SORCS1: variants seen among roughly 807,000 people sequenced by gnomAD.
SORCS1 encodes sortilin related VPS10 domain containing receptor 1.
Under a neutral mutation model 146.1 loss-of-function variants are expected in SORCS1, and 60 were observed. That is an observed-to-expected ratio of 0.41 (90% CI 0.33 to 0.51). The LOEUF (loss-of-function observed/expected upper bound fraction) is 0.51, where lower values mean the gene tolerates loss of function less well. SORCS1 is among the 20% of genes least tolerant of loss of function. The probability of loss-of-function intolerance (pLI) is 0.21; values close to 1 mark genes in which losing one functional copy is unlikely to be tolerated. For synonymous variants in SORCS1, 637 were observed against 584.0 expected (o/e 1.09, Z -1.31); for missense variants, 1,352 against 1,487.6 (o/e 0.91, Z 1.50).
At chr10:106,936,434 T>C (rs1040693928) in intron 2 of SORCS1, among the ~76,000 whole-genome samples, 7 of 152,184 alleles carry the variant, frequency 4.6e-5, no homozygotes, top group Non-Finnish European at 1.0e-4. Flanking sequence ...TTCCTAACCC[T>C]AGTGCATCTT....
chr10:106,812,192 T>G (rs1947495380), intron 3 of SORCS1, among the ~76,000 whole-genome samples: 1 of 152,048 alleles, frequency 6.6e-6, no homozygotes, highest in Admixed American at 6.5e-5. Context: ...AGTAGAGACG[T>G]GGTTTCACTG....
At chr10:106,633,931 C>T (rs1848581001) in intron 18 of SORCS1, among the ~76,000 whole-genome samples, 5 of 152,144 alleles carry the variant, frequency 3.3e-5, no homozygotes, top group Admixed American at 3.3e-4. Context: ...AAGGCTGAGG[C>T]CCTCTCATTC....
At chr10:107,015,486 G>A (rs897857589) in intron 1 of SORCS1, among the ~76,000 whole-genome samples, 25 of 152,146 alleles carry the variant, frequency 1.6e-4, no homozygotes, top group Admixed American at 1.3e-3. Flanking sequence ...TTAAGGCAGC[G>A]GGACAGTGAG....
intron 2 of SORCS1, among the ~76,000 whole-genome samples, chr10:106,940,102 A>G (rs1219288354): frequency 6.6e-6 from 1 of 152,226 alleles, no homozygotes; most frequent in Non-Finnish European, 1.5e-5. Context: ...TCACGAAAGC[A>G]TCATTACAGA....
the SORCS1 span, among the ~76,000 whole-genome samples, chr10:107,177,568 A>G: frequency 6.6e-6 from 1 of 152,232 alleles, no homozygotes; most frequent in Admixed American, 6.5e-5. Context: ...AATGTACAGT[A>G]TATTTCAAAA....
rs1465776507 is a variant in SORCS1 at position 106,709,356 on chromosome 10, C to T, written c.1025-15G>A. ...ATAATGTGAATCTGAAAAACAAAAA[C>T]AAAAACAAAAACATGGGGTTGAGGG... On this transcript the variant is annotated splice_polypyrimidine_tract_variant and intron_variant, in intron 6 of 25. Coordinates refer to ENST00000263054, the MANE Select transcript of SORCS1 (RefSeq NM_052918.5). 2 of 1,538,728 alleles carry T rather than the reference C, an allele frequency of 1.3e-6. No homozygotes were observed. Among genetic ancestry groups the T allele is most frequent in the African/African-American group, 2.8e-5 (2 of 72,540 alleles).
At chr10:106,945,102 G>C (rs368853283) in intron 2 of SORCS1, among the ~76,000 whole-genome samples, 12 of 151,750 alleles carry the variant, frequency 7.9e-5, no homozygotes, top group African/African-American at 2.4e-4. Context: ...TGGCCAGGCT[G>C]GTCTTGAACT....
At chr10:106,752,624 TG>T (rs1197979526) in intron 5 of SORCS1, among the ~76,000 whole-genome samples, 1 of 152,190 alleles carries the variant, frequency 6.6e-6, no homozygotes, top group African/African-American at 2.4e-5. Flanking sequence ...CTTCAATTTA[TG>T]TTGCAAACAA....
chr10:106,641,024 G>C (rs1264515555), intron 18 of SORCS1, among the ~76,000 whole-genome samples: 1 of 152,208 alleles, frequency 6.6e-6, no homozygotes, highest in Non-Finnish European at 1.5e-5. Context: ...CTGCCACAGT[G>C]AGTCTGGGAT....
intron 1 of SORCS1, among the ~76,000 whole-genome samples, chr10:107,016,732 G>A (rs956466285): frequency 2.6e-5 from 4 of 152,092 alleles, no homozygotes; most frequent in South Asian, 2.1e-4. Context: ...CTATCAGAGT[G>A]AAAAGGGAAG....
chr10:107,006,302 T>C (rs1450279485), intron 1 of SORCS1, among the ~76,000 whole-genome samples: 2 of 150,566 alleles, frequency 1.3e-5, no homozygotes, highest in East Asian at 1.9e-4. Context: ...TGACAGGTAC[T>C]AGAAAAGCAG....
At chr10:106,643,392 G>T (rs893317105) in intron 18 of SORCS1, among the ~76,000 whole-genome samples, 1 of 152,152 alleles carries the variant, frequency 6.6e-6, no homozygotes, top group Non-Finnish European at 1.5e-5. Flanking sequence ...TGCCAATCAC[G>T]TGCACCTCCC....
At chr10:106,585,010 G>C (rs1161536113) in intron 24 of SORCS1, among the ~76,000 whole-genome samples, 1 of 151,994 alleles carries the variant, frequency 6.6e-6, no homozygotes, top group East Asian at 1.9e-4. Context: ...ATTACTTGGA[G>C]CACTTGTGAA....
intron 1 of SORCS1, among the ~76,000 whole-genome samples, chr10:107,105,310 GCAAA>G (rs1342519218): frequency 1.3e-5 from 2 of 152,158 alleles, no homozygotes; most frequent in Non-Finnish European, 2.9e-5. Flanking sequence ...TGATCTAAAG[GCAAA>G]CAGAGTGTAT....
intron 24 of SORCS1, among the ~76,000 whole-genome samples, chr10:106,587,222 T>G (rs1253268534): frequency 6.6e-6 from 1 of 152,302 alleles, no homozygotes; most frequent in East Asian, 1.9e-4. Context: ...AGGCTTTACT[T>G]AAAAAAGACT....
At chr10:107,092,085 A>C (rs1734814882) in intron 1 of SORCS1, among the ~76,000 whole-genome samples, 9 of 152,250 alleles carry the variant, frequency 5.9e-5, no homozygotes, top group Admixed American at 1.3e-4. Flanking sequence ...AGGAAGATAA[A>C]AAGATCTCTT....
At chr10:106,786,915 C>T (rs952000209) in intron 3 of SORCS1, among the ~76,000 whole-genome samples, 17 of 152,122 alleles carry the variant, frequency 1.1e-4, no homozygotes, top group Non-Finnish European at 1.8e-4. Flanking sequence ...AAATTCTAAT[C>T]TGTTATCAGA....
chr10:107,000,957 A>ATCAT (rs1339787427), intron 1 of SORCS1, among the ~76,000 whole-genome samples: 1 of 151,116 alleles, frequency 6.6e-6, no homozygotes, highest in Non-Finnish European at 1.5e-5. Flanking sequence ...TTTAATAGAG[A>ATCAT]TCATGTAAAG....
intron 10 of SORCS1, among the ~76,000 whole-genome samples, chr10:106,683,784 G>A (rs557380118): frequency 5.7e-4 from 86 of 152,172 alleles, no homozygotes; most frequent in Non-Finnish European, 1.1e-3. Context: ...TCTCCCTCCC[G>A]AAATACATAC....
Sources: allele counts gnomAD v4.1 joint callset (sites outside exome capture counted in the v4.1 genomes callset), GRCh38; gene constraint gnomAD v4.1.1; transcripts MANE v1.5; gene names NCBI Gene and HGNC (gene_info 2026-07-23, HGNC 2026-07-21).